Variants in GPC5 observed in about 807,000 individuals in gnomAD.
The protein encoded by GPC5 is glypican-5.
A neutral mutation model predicts 53.9 loss-of-function variants in GPC5; 47 were observed. The ratio of observed to expected loss-of-function variants is 0.87; its 90% CI spans 0.69 to 1.11. GPC5 has a LOEUF of 1.11. GPC5 is among the 50% of genes most tolerant of loss of function. The probability of loss-of-function intolerance (pLI) is 0.00; values close to 1 mark genes in which losing one functional copy is unlikely to be tolerated. For synonymous variants in GPC5, 286 were observed against 263.3 expected (o/e 1.09, Z -0.84); for missense variants, 748 against 713.1 (o/e 1.05, Z -0.56).
intron 7 of GPC5, among the ~76,000 whole-genome samples, chr13:92,226,046 AG>A (rs2042483523): frequency 6.6e-6 from 1 of 152,176 alleles, no homozygotes; most frequent in Non-Finnish European, 1.5e-5. Context: ...TGCTGTTATC[AG>A]GAAAATGAGT....
Position 92,027,917 on chromosome 13 carries a change from T to C in GPC5, c.1402-116913T>C, listed in dbSNP as rs1440880389. Among the ~76,000 whole-genome samples, 8 of 151,826 alleles carry C rather than the reference T, an allele frequency of 5.3e-5. No homozygotes were observed. The East Asian group carries it at 1.6e-3, about 30-fold the overall frequency. On this transcript the variant is annotated intron_variant, in intron 6 of 7. Transcript: ENST00000377067. ...GTCTTATCCCATCCCACCTAAAACATCGATATGCAAAATATTTTTTCATCA... is the reference window on the plus strand; with the variant it reads ...GTCTTATCCCATCCCACCTAAAACACCGATATGCAAAATATTTTTTCATCA...
chr13:91,498,272 GT>G (rs1884406920), intron 2 of GPC5, among the ~76,000 whole-genome samples: 1 of 104,468 alleles, frequency 9.6e-6, no homozygotes, highest in African/African-American at 3.6e-5. Context: ...TTAGTTCATA[GT>G]ATTTATCACA....
At chr13:91,915,266 G>T (rs1039525106) in intron 6 of GPC5, among the ~76,000 whole-genome samples, 6 of 152,186 alleles carry the variant, frequency 3.9e-5, no homozygotes, top group Non-Finnish European at 7.4e-5. Context: ...TTAGCAATTA[G>T]TTTGTCTGAG....
intron 6 of GPC5, among the ~76,000 whole-genome samples, chr13:91,946,626 G>T (rs545145248): frequency 6.6e-6 from 1 of 152,134 alleles, no homozygotes; most frequent in South Asian, 2.1e-4. Context: ...ACCTCAGATT[G>T]CATGTTACGT....
At chr13:91,610,625 G>A (rs902135787) in intron 2 of GPC5, among the ~76,000 whole-genome samples, 1 of 152,080 alleles carries the variant, frequency 6.6e-6, no homozygotes, top group African/African-American at 2.4e-5. Context: ...TGTAAGTTTA[G>A]CTTTACTGTT....
intron 2 of GPC5, among the ~76,000 whole-genome samples, chr13:91,640,302 C>T (rs1020956240): frequency 6.6e-6 from 1 of 151,828 alleles, no homozygotes; most frequent in Non-Finnish European, 1.5e-5. Flanking sequence ...GAAAAATTAC[C>T]CATTAAAAAG....
intron 7 of GPC5, among the ~76,000 whole-genome samples, chr13:92,673,929 A>T (rs1210746822): frequency 1.3e-5 from 2 of 152,194 alleles, no homozygotes; most frequent in African/African-American, 4.8e-5. Context: ...TTCCATTTTC[A>T]ATTGTAAAAA....
At chr13:91,972,914 T>C (rs1402034654) in intron 6 of GPC5, among the ~76,000 whole-genome samples, 3 of 152,174 alleles carry the variant, frequency 2.0e-5, no homozygotes, top group Admixed American at 1.3e-4. Context: ...TTCCTTCATT[T>C]CAGCTTTGGT....
At chr13:92,293,622 C>T (rs903180596) in intron 7 of GPC5, among the ~76,000 whole-genome samples, 3 of 151,866 alleles carry the variant, frequency 2.0e-5, no homozygotes, top group South Asian at 2.1e-4. Flanking sequence ...TCTAGGTAAA[C>T]GATCATATTG....
chr13:92,241,239 G>C (rs2042609637), intron 7 of GPC5: 1 of 152,126 alleles, frequency 6.6e-6, no homozygotes, highest in South Asian at 2.1e-4. Context: ...TAAAAAATAA[G>C]TAGTTGAAGA....
chr13:92,031,724 A>G (rs1728227569), intron 6 of GPC5, among the ~76,000 whole-genome samples: 1 of 83,250 alleles, frequency 1.2e-5, no homozygotes, highest in African/African-American at 4.9e-5. Flanking sequence ...CATATATGTA[A>G]TATATTACAT....
intron 7 of GPC5, among the ~76,000 whole-genome samples, chr13:92,319,421 A>T (rs2043201486): frequency 6.6e-6 from 1 of 151,690 alleles, no homozygotes; most frequent in African/African-American, 2.4e-5. Context: ...AAAAAAAAAA[A>T]AAAAAAAAGA....
chr13:92,579,265 CCCTCCCT>C, intron 7 of GPC5, among the ~76,000 whole-genome samples: 2 of 40,870 alleles, frequency 4.9e-5, no homozygotes, highest in African/African-American at 3.0e-4. Context: ...CTCCCTCCCT[CCCTCCCT>C]CCCTCTCTCT....
At chr13:91,961,647 A>G (rs1175833750) in intron 6 of GPC5, among the ~76,000 whole-genome samples, 3 of 152,112 alleles carry the variant, frequency 2.0e-5, no homozygotes, top group African/African-American at 7.2e-5. Context: ...TATGTCCTCA[A>G]AAGTTGAATG....
At chr13:92,734,672 T>G (rs1888891648) in intron 7 of GPC5, among the ~76,000 whole-genome samples, 1 of 151,922 alleles carries the variant, frequency 6.6e-6, no homozygotes, top group Admixed American at 6.6e-5. Flanking sequence ...GTTTATTAAA[T>G]ATGGCATTAT....
At chr13:92,294,973 T>G (rs1287118982) in intron 7 of GPC5, among the ~76,000 whole-genome samples, 1 of 151,736 alleles carries the variant, frequency 6.6e-6, no homozygotes, top group Non-Finnish European at 1.5e-5. Context: ...GTATTACAGG[T>G]GCTTGCCATC....
chr13:92,618,694 A>G (rs1290257652), intron 7 of GPC5, among the ~76,000 whole-genome samples: 1 of 151,652 alleles, frequency 6.6e-6, no homozygotes, highest in African/African-American at 2.4e-5. Flanking sequence ...TGTTAAAAAA[A>G]AAAAAAAAAA....
intron 7 of GPC5, among the ~76,000 whole-genome samples, chr13:92,849,294 G>A (rs887872319): frequency 5.9e-5 from 9 of 152,102 alleles, no homozygotes; most frequent in African/African-American, 1.9e-4. Flanking sequence ...CTGGGCCAAT[G>A]GAATTGCTTC....
In GPC5 at chr13:91,907,380, T is replaced by G. The variant is rs953688533; in HGVS notation, c.1281-557T>G. On this transcript the variant is annotated intron_variant, in intron 5 of 7. Coordinates refer to ENST00000377067, the MANE Select transcript of GPC5 (RefSeq NM_004466.6). Reference sequence around the variant, plus strand: ...ACTTGGAGGAACTAATTAGGAAATATATATATAATATATATTAGGCTAAGA... The same window carrying G: ...ACTTGGAGGAACTAATTAGGAAATAGATATATAATATATATTAGGCTAAGA... Among the ~76,000 whole-genome samples the G allele has an allele frequency of 6.9e-5, 10 of 145,934 alleles. No individual in the cohort carries two copies. In the South Asian group the frequency reaches 1.5e-3, roughly 22 times the overall value.
Sources: allele counts gnomAD v4.1 joint callset (sites outside exome capture counted in the v4.1 genomes callset), GRCh38; gene constraint gnomAD v4.1.1; transcripts MANE v1.5; gene names NCBI Gene and HGNC (gene_info 2026-07-23, HGNC 2026-07-21).